The following CAMK4 variants were observed in gnomAD, a reference collection of about 807,000 sequenced individuals.
CAMK4 encodes the protein calcium/calmodulin dependent protein kinase IV.
A neutral mutation model predicts 44.9 loss-of-function variants in CAMK4; 22 were observed. The observed-to-expected ratio is 0.49, with a 90% CI of 0.35 to 0.70. The LOEUF (loss-of-function observed/expected upper bound fraction) is 0.70. CAMK4 is among the 30% of genes least tolerant of loss of function. The probability of loss-of-function intolerance (pLI) is 0.01; values close to 1 mark genes in which losing one functional copy is unlikely to be tolerated. For missense variants in CAMK4, 498 were observed against 586.8 expected, an observed-to-expected ratio of 0.85 and a Z score of 1.56; for synonymous variants, 218 against 215.4, an observed-to-expected ratio of 1.01 and a Z score of -0.11.
chr5:111,419,241 CTTTT>C (rs1752930644), intron 5 of CAMK4, among the ~76,000 whole-genome samples: 1 of 152,168 alleles, frequency 6.6e-6, no homozygotes, highest in Non-Finnish European at 1.5e-5. Context: ...TAAATATCTT[CTTTT>C]GAGAAGTGTC....
chr5:111,297,786 A>T (rs895411698), intron 1 of CAMK4, among the ~76,000 whole-genome samples: 8 of 152,196 alleles, frequency 5.3e-5, no homozygotes, highest in Non-Finnish European at 1.2e-4. Flanking sequence ...ACTGGTACTA[A>T]TTCCTCTAGG....
chr5:111,335,964 A>C (rs973171821), intron 1 of CAMK4, among the ~76,000 whole-genome samples: 3 of 151,314 alleles, frequency 2.0e-5, no homozygotes, highest in Admixed American at 6.6e-5. Context: ...TTAAATTTTT[A>C]AATAAACAAC....
intron 7 of CAMK4, among the ~76,000 whole-genome samples, chr5:111,471,067 A>G (rs1385596224): frequency 3.9e-5 from 6 of 152,192 alleles, no homozygotes; most frequent in Admixed American, 3.9e-4. Flanking sequence ...TCAGAATTAT[A>G]CTGTTGAAGC....
Position 111,399,084 on chromosome 5 carries a change from T to TA in CAMK4, c.459+4313dup, listed in dbSNP as rs113879592. On this transcript the variant is annotated intron_variant, in intron 5 of 10. Coordinates refer to ENST00000282356, the MANE Select transcript of CAMK4 (RefSeq NM_001744.6). ...AGCAGCAGTGGCATCACATTGAAAG[T>TA]AAAAAAAAAAATCAAAATGCCTTAA... Among the ~76,000 whole-genome samples, 1,056 of 148,780 alleles carry TA rather than the reference T, an allele frequency of 7.1e-3. 13 individuals are homozygous for TA. Among genetic ancestry groups the TA allele is most frequent in the African/African-American group, 0.02 (829 of 40,602 alleles).
chr5:111,227,945 T>C (rs998177792), intron 1 of CAMK4, among the ~76,000 whole-genome samples: 44 of 152,306 alleles, frequency 2.9e-4, no homozygotes, highest in African/African-American at 9.6e-4. Context: ...TGCCCAGTGA[T>C]TTGAGAAACT....
intron 5 of CAMK4, among the ~76,000 whole-genome samples, chr5:111,400,309 C>T (rs1242913737): frequency 6.6e-6 from 1 of 152,124 alleles, no homozygotes; most frequent in Non-Finnish European, 1.5e-5. Flanking sequence ...CAATTTAAAA[C>T]TTGCCAGAAA....
At chr5:111,473,521 T>C (rs888154153) in intron 8 of CAMK4, 135 bp downstream of exon 8, 5 of 618,460 alleles carry the variant, frequency 8.1e-6, no homozygotes, top group Non-Finnish European at 1.1e-5. Flanking sequence ...CTAAATGCAG[T>C]TAGTGATAGA....
intron 7 of CAMK4, among the ~76,000 whole-genome samples, chr5:111,469,186 T>A (rs1254447795): frequency 2.7e-5 from 3 of 110,722 alleles, no homozygotes; most frequent in East Asian, 2.2e-4. Context: ...TATATATATA[T>A]ATATATATAT....
At chr5:111,461,813 T>TTA (rs1554073682) in intron 7 of CAMK4, among the ~76,000 whole-genome samples, 1 of 69,176 alleles carries the variant, frequency 1.4e-5, no homozygotes, top group Admixed American at 1.9e-4. Context: ...GCCTCTATAG[T>TTA]AAAAAAAAAA....
In CAMK4 at chr5:111,229,189, T is replaced by C. The variant is rs138465764; in HGVS notation, c.161+4545T>C. 3.5e-3 allele frequency among the ~76,000 whole-genome samples: 532 copies of C among 152,316 alleles called. 5 individuals are homozygous for C. Among genetic ancestry groups the C allele is most frequent in the African/African-American group, 0.012 (509 of 41,568 alleles). ...GACTGGGTGGCTTAAACAATAAATATGCATTTCTCACAGCTCTGGAGGCTA... is the reference window on the plus strand; with the variant it reads ...GACTGGGTGGCTTAAACAATAAATACGCATTTCTCACAGCTCTGGAGGCTA... On this transcript the variant is annotated intron_variant, in intron 1 of 10. Coordinates refer to ENST00000282356, the MANE Select transcript of CAMK4 (RefSeq NM_001744.6).
chr5:111,460,535 C>G (rs958317273), intron 7 of CAMK4, among the ~76,000 whole-genome samples: 2 of 152,066 alleles, frequency 1.3e-5, no homozygotes, highest in African/African-American at 4.8e-5. Flanking sequence ...TAATATTTTT[C>G]ACACTTAACA....
chr5:111,442,629 A>C (rs1753868253), intron 5 of CAMK4, among the ~76,000 whole-genome samples: 1 of 149,996 alleles, frequency 6.7e-6, no homozygotes, highest in South Asian at 2.1e-4. Context: ...GCAAATATGA[A>C]AGTCTAGCTG....
At chr5:111,248,607 A>G (rs1430521641) in intron 1 of CAMK4, among the ~76,000 whole-genome samples, 2 of 151,754 alleles carry the variant, frequency 1.3e-5, no homozygotes, top group Non-Finnish European at 2.9e-5. Flanking sequence ...TATCTAGCAC[A>G]TTGCTTTAGT....
At chr5:111,442,099 A>G (rs1300453585) in intron 5 of CAMK4, among the ~76,000 whole-genome samples, 2 of 152,178 alleles carry the variant, frequency 1.3e-5, no homozygotes, top group Admixed American at 1.3e-4. Context: ...CAGATGCTCC[A>G]AGATAGCAGT....
rs188319964 is a variant in CAMK4, at chr5:111,465,920, T to A, written c.626-7391T>A. Among the ~76,000 whole-genome samples the A allele has an allele frequency of 1.2e-4, 19 of 152,236 alleles. No individual in the cohort carries two copies. In the East Asian group the frequency reaches 3.3e-3, roughly 26 times the overall value. On this transcript the variant is annotated intron_variant, in intron 7 of 10. Transcript: ENST00000282356. ...CAAAAAGAAAACTATAGATCAATAT[T>A]CCTGATGAATATAGAAGAAAACATC...
chr5:111,293,326 G>A (rs182205633), intron 1 of CAMK4, among the ~76,000 whole-genome samples: 1 of 152,172 alleles, frequency 6.6e-6, no homozygotes, highest in Non-Finnish European at 1.5e-5. Flanking sequence ...GAAAATATTA[G>A]TTTCAATATT....
chr5:111,355,900 C>G (rs1395451328), intron 2 of CAMK4, among the ~76,000 whole-genome samples: 1 of 121,710 alleles, frequency 8.2e-6, no homozygotes, highest in East Asian at 2.3e-4. Flanking sequence ...TCCAGTCTAT[C>G]ATTGTTGGAC....
At chr5:111,294,037 G>A (rs1263481218) in intron 1 of CAMK4, among the ~76,000 whole-genome samples, 3 of 152,062 alleles carry the variant, frequency 2.0e-5, no homozygotes, top group South Asian at 2.1e-4. Context: ...GTGAGCCACC[G>A]CGCCCGGCCC....
At chr5:111,365,979 A>G (rs1750779673) in intron 2 of CAMK4, among the ~76,000 whole-genome samples, 1 of 152,162 alleles carries the variant, frequency 6.6e-6, no homozygotes, top group Non-Finnish European at 1.5e-5. Context: ...TCCAGTGGTC[A>G]AGATTTTTCA....
Sources: gnomAD v4.1 joint callset for allele counts (sites outside exome capture counted in the v4.1 genomes callset) on GRCh38, gnomAD v4.1.1 for gene constraint, MANE v1.5 for transcripts, NCBI Gene and HGNC (gene_info 2026-07-23, HGNC 2026-07-21) for gene names.